SLC25A21: variants seen among roughly 807,000 people sequenced by gnomAD.
The protein encoded by SLC25A21 is mitochondrial 2-oxodicarboxylate carrier.
In SLC25A21, 47 loss-of-function variants were observed where a neutral mutation model predicts 43.8. The ratio of observed to expected loss-of-function variants is 1.07; its 90% CI spans 0.85 to 1.37. The LOEUF (loss-of-function observed/expected upper bound fraction) is 1.37. Among genes scored for constraint, SLC25A21 ranks in the 40% most tolerant of loss-of-function variants. The pLI, the probability that SLC25A21 is intolerant of heterozygous loss-of-function variation, is 0.00. For synonymous variants in SLC25A21, 131 were observed against 121.3 expected (o/e 1.08, Z -0.52); for missense variants, 352 against 350.2 (o/e 1.00, Z -0.04).
Position 36,938,260 on chromosome 14 carries a change from G to A in SLC25A21, c.71-63256C>T, listed in dbSNP as rs182662967. ...TTTCAATTTAAACAGACTCACGTATGGTAACAAATCAACTCCCCTAGGCAC... is the reference window on the plus strand; with the variant it reads ...TTTCAATTTAAACAGACTCACGTATAGTAACAAATCAACTCCCCTAGGCAC... On this transcript the variant is annotated intron_variant, in intron 1 of 9. Coordinates refer to ENST00000331299, the MANE Select transcript of SLC25A21 (RefSeq NM_030631.4). 1.4e-3 allele frequency among the ~76,000 whole-genome samples: 220 copies of A among 152,214 alleles called. 1 individual carries two copies. The highest frequency in any genetic ancestry group is 5.0e-3 in the African/African-American group (206 of 41,546).
At chr14:36,704,216 C>T (rs145686897) in intron 7 of SLC25A21, among the ~76,000 whole-genome samples, 1,718 of 152,166 alleles carry the variant, frequency 0.011, 14 homozygotes, top group Non-Finnish European at 0.018. Flanking sequence ...GATTACAGAC[C>T]GAGGATACGA....
chr14:36,875,529 A>T (rs1890495423), intron 1 of SLC25A21, among the ~76,000 whole-genome samples: 1 of 152,210 alleles, frequency 6.6e-6, no homozygotes, highest in Non-Finnish European at 1.5e-5. Context: ...TTAATAGCTT[A>T]ATAGAGAATA....
At chr14:37,108,836 ATATAT>A (rs1962966245) in intron 1 of SLC25A21, among the ~76,000 whole-genome samples, 1 of 151,922 alleles carries the variant, frequency 6.6e-6, no homozygotes, top group Non-Finnish European at 1.5e-5. Context: ...AAATGGATAA[ATATAT>A]TATATTCTTT....
At chr14:37,095,235 C>T (rs1034770754) in intron 1 of SLC25A21, among the ~76,000 whole-genome samples, 3 of 152,114 alleles carry the variant, frequency 2.0e-5, no homozygotes, top group South Asian at 4.2e-4. Context: ...CTACACTATT[C>T]GGCCAGGCGT....
intron 7 of SLC25A21, among the ~76,000 whole-genome samples, chr14:36,707,636 T>C (rs185719373): frequency 7.9e-4 from 120 of 152,330 alleles, no homozygotes; most frequent in African/African-American, 2.8e-3. Flanking sequence ...AAGGAATCAG[T>C]GCTTTTAGCT....
At chr14:37,054,475 T>G (rs1023347088) in intron 1 of SLC25A21, among the ~76,000 whole-genome samples, 1 of 152,152 alleles carries the variant, frequency 6.6e-6, no homozygotes, top group African/African-American at 2.4e-5. Flanking sequence ...AGAACAAATT[T>G]TTGTATCTGG....
At chr14:37,086,130 T>TAG in intron 1 of SLC25A21, among the ~76,000 whole-genome samples, 2 of 152,010 alleles carry the variant, frequency 1.3e-5, no homozygotes, top group Non-Finnish European at 2.9e-5. Context: ...ACTTGACAAA[T>TAG]TTTTATAGAA....
At chr14:37,130,643 G>A (rs555421557) in intron 1 of SLC25A21, among the ~76,000 whole-genome samples, 1 of 152,362 alleles carries the variant, frequency 6.6e-6, no homozygotes, top group East Asian at 1.9e-4. Flanking sequence ...GCAGCAGCCT[G>A]TGTGCAGTGC....
At chr14:36,845,098 T>C (rs1889500701) in intron 2 of SLC25A21, among the ~76,000 whole-genome samples, 1 of 152,182 alleles carries the variant, frequency 6.6e-6, no homozygotes, top group Non-Finnish European at 1.5e-5. Flanking sequence ...CATGTCAGAG[T>C]TGACCTACTG....
intron 1 of SLC25A21, among the ~76,000 whole-genome samples, chr14:36,898,086 C>A (rs1409209781): frequency 6.6e-6 from 1 of 152,202 alleles, no homozygotes; most frequent in Non-Finnish European, 1.5e-5. Context: ...TTTAAGTCTG[C>A]AGAGGATTCT....
At chr14:37,014,636 C>T (rs1180134517) in intron 1 of SLC25A21, among the ~76,000 whole-genome samples, 3 of 152,174 alleles carry the variant, frequency 2.0e-5, no homozygotes, top group African/African-American at 4.8e-5. Flanking sequence ...CATAAATGCT[C>T]TTAATGGCAT....
chr14:36,680,552 T>G lies in SLC25A21; in HGVS notation c.*106A>C, dbSNP rs1490926073. On this transcript the variant is annotated 3_prime_UTR_variant, in exon 10 of 10. Transcript: ENST00000331299. ...AAAATAGATTTTGTTCTTGAACAGTTTTCTCCTTCATAATTATACACCTGG... is the reference window on the plus strand; with the variant it reads ...AAAATAGATTTTGTTCTTGAACAGTGTTCTCCTTCATAATTATACACCTGG... The G allele has an allele frequency of 7.0e-7, 1 of 1,434,508 alleles. No homozygotes were observed. The highest frequency in any genetic ancestry group is 1.5e-5 in the African/African-American group (1 of 68,850). The allele number at this position is 1,434,508 out of a possible 1,614,324, so 88.9% of individuals were successfully genotyped here.
At chr14:36,755,861 A>G (rs1271603844) in intron 3 of SLC25A21, among the ~76,000 whole-genome samples, 2 of 152,126 alleles carry the variant, frequency 1.3e-5, no homozygotes, top group Non-Finnish European at 2.9e-5. Context: ...TCCATGTAAC[A>G]GGCCTGGCAT....
At chr14:36,735,118 T>G (rs979491172) in intron 3 of SLC25A21, among the ~76,000 whole-genome samples, 4 of 152,154 alleles carry the variant, frequency 2.6e-5, no homozygotes, top group Admixed American at 2.6e-4. Flanking sequence ...TTGATGGAAG[T>G]GGAAGAAGGT....
intron 2 of SLC25A21, among the ~76,000 whole-genome samples, chr14:36,818,387 T>A (rs1443343648): frequency 2.0e-5 from 3 of 152,168 alleles, no homozygotes; most frequent in Admixed American, 2.0e-4. Context: ...CTGAGTTAAT[T>A]ACAACCAGGA....
intron 1 of SLC25A21, among the ~76,000 whole-genome samples, chr14:36,991,250 A>C (rs1960256963): frequency 6.6e-6 from 1 of 152,210 alleles, no homozygotes; most frequent in Admixed American, 6.5e-5. Flanking sequence ...AATAACATTC[A>C]ACAGAATGGG....
At chr14:36,989,057 T>C (rs994189497) in intron 1 of SLC25A21, among the ~76,000 whole-genome samples, 1 of 152,252 alleles carries the variant, frequency 6.6e-6, no homozygotes, top group African/African-American at 2.4e-5. Flanking sequence ...GCTTTCTTTT[T>C]AGAATTATCA....
At chr14:37,009,530 C>A (rs965413807) in intron 1 of SLC25A21, among the ~76,000 whole-genome samples, 1 of 152,048 alleles carries the variant, frequency 6.6e-6, no homozygotes, top group African/African-American at 2.4e-5. Flanking sequence ...TAAGAAAAAT[C>A]TGAGTTCAGA....
intron 2 of SLC25A21, among the ~76,000 whole-genome samples, chr14:36,869,379 A>G (rs1037053341): frequency 1.3e-5 from 2 of 150,258 alleles, no homozygotes; most frequent in Non-Finnish European, 3.0e-5. Flanking sequence ...AGGAAGTAAC[A>G]GTGAATGTAC....
Sources: allele counts gnomAD v4.1 joint callset (sites outside exome capture counted in the v4.1 genomes callset), GRCh38; gene constraint gnomAD v4.1.1; transcripts MANE v1.5; gene names NCBI Gene and HGNC (gene_info 2026-07-23, HGNC 2026-07-21).